Variants in UPRT observed in about 807,000 individuals in gnomAD.
UPRT encodes the protein uracil phosphoribosyltransferase homolog.
In UPRT, 5 loss-of-function variants were observed where a neutral mutation model predicts 22.6. The observed-to-expected ratio is 0.22, with a 90% CI of 0.12 to 0.47. UPRT has a LOEUF of 0.47. Ranked by LOEUF, UPRT falls within the 20% of genes least tolerant of loss-of-function variation. The pLI is 0.99. For missense variants in UPRT, 181 were observed against 239.9 expected (o/e 0.75, Z 1.62); for synonymous variants, 77 against 87.7 (o/e 0.88, Z 0.68).
At chrX:75,210,603 C>T (rs758726616) in intron 4 of UPRT, among the ~76,000 whole-genome samples, 70 of 82,081 alleles carry the variant, frequency 8.5e-4, no homozygotes, top group African/African-American at 3.1e-3. Flanking sequence ...GAAAGGGGGA[C>T]GGAGGGCAAA....
chrX:75,198,661 C>A (rs1002640496), intron 4 of UPRT, among the ~76,000 whole-genome samples: 1 of 111,239 alleles, frequency 9.0e-6, no homozygotes, highest in Non-Finnish European at 1.9e-5. Context: ...AGAAGATAAA[C>A]CTGAAGAAAT....
chrX:75,223,622 A>G (rs1468859284), intron 4 of UPRT, among the ~76,000 whole-genome samples: 2 of 111,550 alleles, frequency 1.8e-5, no homozygotes, highest in Non-Finnish European at 3.8e-5. Context: ...CTGACAGGAC[A>G]GAAGTAAGTT....
intron 4 of UPRT, among the ~76,000 whole-genome samples, chrX:75,191,163 A>G (rs1057172024): frequency 8.9e-6 from 1 of 111,991 alleles, no homozygotes. Flanking sequence ...TTTGGTGTGG[A>G]TGTCCTTTCT....
chrX:75,250,375 G>T (rs745339957), intron 4 of UPRT, among the ~76,000 whole-genome samples: 207 of 109,666 alleles, frequency 1.9e-3, no homozygotes, highest in African/African-American at 6.3e-3. Context: ...GTAATAAAGG[G>T]GATATCACCA....
intron 4 of UPRT, among the ~76,000 whole-genome samples, chrX:75,237,471 A>C (rs939153763): frequency 1.8e-5 from 2 of 111,085 alleles, no homozygotes; most frequent in Admixed American, 1.9e-4. Flanking sequence ...AGGACTATAA[A>C]TCATGCTGCT....
At chrX:75,205,922 A>C (rs761793164) in intron 4 of UPRT, among the ~76,000 whole-genome samples, 5 of 111,565 alleles carry the variant, frequency 4.5e-5, no homozygotes, top group Non-Finnish European at 9.4e-5. Flanking sequence ...GCTTTTGGGG[A>C]ATGGCTCGCA....
intron 4 of UPRT, among the ~76,000 whole-genome samples, chrX:75,238,043 C>T (rs2082475299): frequency 9.0e-6 from 1 of 111,349 alleles, no homozygotes; most frequent in African/African-American, 3.3e-5. Context: ...ATAAATCTCA[C>T]AGAACCTATA....
intron 4 of UPRT, among the ~76,000 whole-genome samples, chrX:75,173,202 T>A (rs757711081): frequency 3.7e-4 from 42 of 112,240 alleles, no homozygotes; most frequent in Non-Finnish European, 6.8e-4. Flanking sequence ...AACATTGAGC[T>A]AAACACAGGG....
intron 4 of UPRT, among the ~76,000 whole-genome samples, chrX:75,192,108 T>C (rs1438575330): frequency 8.9e-6 from 1 of 112,023 alleles, no homozygotes; most frequent in Non-Finnish European, 1.9e-5. Context: ...GAACCGCGTA[T>C]AACCTTCCTT....
At chrX:75,268,898 G>A (rs1439434659) in intron 4 of UPRT, among the ~76,000 whole-genome samples, 1 of 111,968 alleles carries the variant, frequency 8.9e-6, no homozygotes, top group African/African-American at 3.2e-5. Flanking sequence ...AGTATTGGAA[G>A]TTCTGGCCAG....
intron 4 of UPRT, among the ~76,000 whole-genome samples, chrX:75,184,684 G>A (rs202160986): frequency 5.6e-5 from 6 of 107,097 alleles, no homozygotes; most frequent in African/African-American, 1.0e-4. Context: ...ATTTGTTTGT[G>A]TCCTCTTTTA....
intron 4 of UPRT, among the ~76,000 whole-genome samples, chrX:75,227,902 G>A (rs778317008): frequency 8.9e-6 from 1 of 112,609 alleles, no homozygotes; most frequent in East Asian, 2.8e-4. Context: ...TTGCAAAGTA[G>A]TTTAGTCAAC....
rs980948703 is a variant in UPRT, at chrX:75,210,969, G to A, written c.-447+43090G>A. ...AGGCAATATAAGAGAGGAAAGTAAG[G>A]CGTTCTGTTTTAATGGAGTCCACCA... is the stretch of plus-strand genomic sequence containing the variant. On this transcript the variant is annotated intron_variant, in intron 4 of 13. Coordinates refer to the UPRT transcript ENST00000652605. 5.4e-5 allele frequency among the ~76,000 whole-genome samples: 6 copies of A among 111,180 alleles called. No individual in the cohort carries two copies. In the East Asian group the frequency reaches 1.7e-3, roughly 32 times the overall value.
chrX:75,218,370 T>C (rs1207921512), intron 4 of UPRT, among the ~76,000 whole-genome samples: 1 of 108,445 alleles, frequency 9.2e-6, no homozygotes, highest in Non-Finnish European at 1.9e-5. Flanking sequence ...GTGGCAATCA[T>C]TAAAAAGTCA....
intron 4 of UPRT, among the ~76,000 whole-genome samples, chrX:75,231,048 T>C (rs945451672): frequency 8.7e-5 from 1 of 11,461 alleles, no homozygotes; most frequent in African/African-American, 9.4e-5. Flanking sequence ...CAAGGATCTA[T>C]AAAACCCCAA....
intron 6 of UPRT, 26 bp from the exon 7 acceptor site, chrX:75,303,379 C>T (rs761443638): frequency 2.6e-6 from 3 of 1,136,794 alleles, no homozygotes; most frequent in Admixed American, 4.6e-5. Flanking sequence ...AAACATCCTA[C>T]CATAATAACT....
chrX:75,288,969 T>A (rs956186295), intron 1 of UPRT, among the ~76,000 whole-genome samples: 2 of 111,895 alleles, frequency 1.8e-5, no homozygotes, highest in African/African-American at 3.2e-5. Flanking sequence ...CTCCTGGAAC[T>A]GATAAATGAC....
chrX:75,170,123 G>GCCTC (rs2082222927), intron 4 of UPRT, among the ~76,000 whole-genome samples: 1 of 100,685 alleles, frequency 9.9e-6, no homozygotes, highest in Admixed American at 1.1e-4. Flanking sequence ...CAAAACCTCC[G>GCCTC]CCTCCCGGGT....
upstream of UPRT, among the ~76,000 whole-genome samples, chrX:75,273,362 C>T (rs1569279831): frequency 9.0e-6 from 1 of 110,862 alleles, no homozygotes; most frequent in Non-Finnish European, 1.9e-5. Flanking sequence ...TATCCCATCT[C>T]GGATCTACAG....
Sources: gnomAD v4.1 joint callset for allele counts (sites outside exome capture counted in the v4.1 genomes callset) on GRCh38, gnomAD v4.1.1 for gene constraint, MANE v1.5 for transcripts, NCBI Gene and HGNC (gene_info 2026-07-23, HGNC 2026-07-21) for gene names.